Variants in PRKDC observed in about 807,000 individuals in gnomAD.
PRKDC encodes the protein protein kinase, DNA-activated, catalytic subunit.
Under a neutral mutation model 486.9 loss-of-function variants are expected in PRKDC, and 82 were observed. The observed-to-expected ratio is 0.17, with a 90% CI of 0.14 to 0.20. The LOEUF is 0.20. PRKDC is among the 10% of genes least tolerant of loss of function. The probability of loss-of-function intolerance (pLI) is 1.00; values close to 1 mark genes in which losing one functional copy is unlikely to be tolerated. For missense variants in PRKDC, 4,504 were observed against 5,038.2 expected (o/e 0.89, Z 3.21); for synonymous variants, 1,895 against 1,837.0 (o/e 1.03, Z -0.81).
Position 47,777,871 on chromosome 8 carries a change from G to A in PRKDC, c.11857C>T (p.Leu3953=). The change falls in exon 84 of 86, where the codon CTG becomes TTG. Residue 3953 remains leucine (L), a synonymous_variant. Transcript: ENST00000314191. ...AAAGGCATCAACTCAGGGACTGGCA[G>A]AAACTAAACAAGAAAAAAGGCAAGG... ...GHAFGSATQF[L]PVPELMPFRL... is the part of the protein sequence containing the mutation. The A allele has an allele frequency of 6.2e-7, 1 of 1,613,606 alleles. No individual in the cohort carries two copies. The highest frequency in any genetic ancestry group is 8.5e-7 in the Non-Finnish European group (1 of 1,179,676).
intron 54 of PRKDC, among the ~76,000 whole-genome samples, chr8:47,843,624 A>G (rs747780724): frequency 2.0e-4 from 30 of 152,202 alleles, no homozygotes; most frequent in Non-Finnish European, 3.7e-4. Flanking sequence ...TGTGAAAGAA[A>G]AAATTTTAAA....
chr8:47,845,780 T>C (rs2088249969), intron 54 of PRKDC, among the ~76,000 whole-genome samples: 1 of 151,690 alleles, frequency 6.6e-6, no homozygotes. Context: ...CGAATCCTAC[T>C]GAAACTATTT....
At chr8:47,817,594 C>A in intron 67 of PRKDC, 33 bp from the exon 68 acceptor site, 1 of 1,302,530 alleles carries the variant, frequency 7.7e-7, no homozygotes, top group Non-Finnish European at 1.1e-6. Context: ...ACTATACACA[C>A]AGCTCAATTA....
chr8:47,779,019 T>C lies in PRKDC; in HGVS notation c.11564A>G (p.Tyr3855Cys). The change falls in exon 81 of 86, where the codon TAC (tyrosine) becomes TGC (cysteine). Residue 3855 changes from tyrosine (Y) to cysteine (C), a missense_variant. Tyr to Cys is a radical substitution (Grantham distance 194). Coordinates refer to ENST00000314191, the MANE Select transcript of PRKDC (RefSeq NM_006904.7). Reference sequence around the variant, plus strand: ...CCAAACTTACTTATACATTAGCATGTAAGCTCCAACATCATGTTTTCCTGA... The same window carrying C: ...CCAAACTTACTTATACATTAGCATGCAAGCTCCAACATCATGTTTTCCTGA... Reference protein sequence around the residue: ...KMSGKHDVGAYMLMYKGANRT... With the variant: ...KMSGKHDVGACMLMYKGANRT... 1 of 1,596,536 alleles carries C rather than the reference T, an allele frequency of 6.3e-7. No homozygotes were observed. Among genetic ancestry groups the C allele is most frequent in the East Asian group, 2.2e-5 (1 of 44,720 alleles).
In PRKDC at chr8:47,798,398, C is replaced by A; in HGVS notation, c.10298-1G>T. On this transcript the variant is annotated splice_acceptor_variant, in intron 72 of 85. Coordinates refer to ENST00000314191, the MANE Select transcript of PRKDC (RefSeq NM_006904.7). LOFTEE classifies it high-confidence loss of function. ...GCCTGCAGTTCTGCAGAATCAATAA[C>A]TATCAAGGACACCAAAGAAGAAAGC... 1 of 1,579,948 alleles carries A rather than the reference C, an allele frequency of 6.3e-7. No homozygotes were observed. The highest frequency in any genetic ancestry group is 8.6e-7 in the Non-Finnish European group (1 of 1,165,334).
At chr8:47,883,176 A>G (rs2089258267) in intron 36 of PRKDC, among the ~76,000 whole-genome samples, 1 of 152,224 alleles carries the variant, frequency 6.6e-6, no homozygotes, top group African/African-American at 2.4e-5. Context: ...ATAATGGATA[A>G]TCCAGCTGGA....
At position 47,830,686 on chromosome 8, in the gene PRKDC, G is replaced by A; in HGVS notation, c.8316C>T (p.Tyr2772=). 1.2e-6 allele frequency: 2 copies of A among 1,613,976 alleles called. No individual in the cohort carries two copies. The highest frequency in any genetic ancestry group is 1.7e-6 in the Non-Finnish European group (2 of 1,179,886). Residue 2772 remains tyrosine (Y), a synonymous_variant, in exon 61 of 86, where the codon TAC becomes TAT. Coordinates refer to ENST00000314191, the MANE Select transcript of PRKDC (RefSeq NM_006904.7). ...KMKQDAQVVL[Y]RSYRHGDLPD... The stretch of plus-strand genomic sequence containing the variant: ...GAAGGTCTCCGTGCCGGTAGCTTCT[G>A]TACAGAACGACCTGGGCATCCTGCT...
At position 47,930,010 on chromosome 8, in the gene PRKDC, T is replaced by G. The variant is rs374050400; in HGVS notation, c.1895A>C (p.Glu632Ala). 1 of 1,597,036 alleles carries G rather than the reference T, an allele frequency of 6.3e-7. No individual in the cohort carries two copies. The highest frequency in any genetic ancestry group is 1.4e-5 in the African/African-American group (1 of 73,860). Residue 632 changes from glutamate (E) to alanine (A), a missense_variant and splice_region_variant, in exon 18 of 86, where the codon GAG becomes GCG. Transcript: ENST00000314191. ...AFINLVEFCR[E>A]ILPEKQAEFF... is the part of the protein sequence containing the mutation. Reference sequence around the variant, plus strand: ...TTCTGCTTGTTTCTCAGGGAGAATCTCTCTGTAAAAACAAATTAGAAATTG... The same window carrying G: ...TTCTGCTTGTTTCTCAGGGAGAATCGCTCTGTAAAAACAAATTAGAAATTG...
At chr8:47,794,170 ATTC>A in intron 74 of PRKDC, 117 bp downstream of exon 74, 2 of 817,178 alleles carry the variant, frequency 2.4e-6, no homozygotes, top group East Asian at 2.7e-5. Context: ...GGCTAAGATT[ATTC>A]TTCAATGACA....
chr8:47,881,827 T>G, intron 37 of PRKDC, 85 bp downstream of exon 37: 1 of 1,212,004 alleles, frequency 8.3e-7, no homozygotes, highest in East Asian at 2.6e-5. Context: ...AATGAGCTTT[T>G]GGAGCAACCT....
At chr8:47,831,953 C>T in intron 59 of PRKDC, 27 bp from the exon 60 acceptor site, 2 of 1,588,972 alleles carry the variant, frequency 1.3e-6, no homozygotes, top group South Asian at 1.1e-5. Flanking sequence ...GGCCCAGTTA[C>T]TCCCCGCCGC....
chr8:47,911,803 T>C (rs1190189462), intron 25 of PRKDC, among the ~76,000 whole-genome samples: 1 of 151,964 alleles, frequency 6.6e-6, no homozygotes, highest in Admixed American at 6.6e-5. Context: ...TGAGTCTCAC[T>C]CTGTCTCCCA....
rs562300250 is a variant in PRKDC at position 47,890,445 on chromosome 8, C to G, written c.3883G>C (p.Ala1295Pro). ...ATGGCAATGCTTTCTAAGAAGAAAG[C>G]CACTGCTTTCAAAAGTGAAGACTGG... Reference protein sequence around the residue: ...EAQSSLLKAVAFFLESIAMHD... With the variant: ...EAQSSLLKAVPFFLESIAMHD... Residue 1295 changes from alanine to proline, a missense_variant, in exon 32 of 86, where the codon GCT (alanine) becomes CCT (proline). By Grantham distance (27) the Ala-to-Pro change is conservative. Transcript: ENST00000314191. 1 of 1,575,074 alleles carries G rather than the reference C, an allele frequency of 6.3e-7. No individual in the cohort carries two copies. Among genetic ancestry groups the G allele is most frequent in the African/African-American group, 1.3e-5 (1 of 74,316 alleles).
Position 47,849,309 on chromosome 8 carries a change from G to A in PRKDC, c.7131-6C>T, listed in dbSNP as rs374268957. ...AGAACACAGCATTCATGAACCTGGC[G>A]GGGAAGGGAACTGGTGAGAGGAGGG... On this transcript the variant is annotated splice_region_variant and splice_polypyrimidine_tract_variant and intron_variant, in intron 53 of 85. Transcript: ENST00000314191. 8.1e-6 allele frequency: 13 copies of A among 1,613,804 alleles called. No individual in the cohort carries two copies. The highest frequency in any genetic ancestry group is 3.3e-5 in the Admixed American group (2 of 60,012).
At chr8:47,798,998 T>C (rs1000707108) in intron 72 of PRKDC, among the ~76,000 whole-genome samples, 1 of 151,982 alleles carries the variant, frequency 6.6e-6, no homozygotes, top group Non-Finnish European at 1.5e-5. Context: ...CTTAGTAGAG[T>C]TGGGGTTTCA....
intron 54 of PRKDC, 48 bp downstream of exon 54, chr8:47,849,106 C>T (rs746506679): frequency 8.8e-6 from 14 of 1,588,338 alleles, no homozygotes; most frequent in East Asian, 2.2e-5. Flanking sequence ...AATAAATTAA[C>T]GCTTTATGAG....
chr8:47,775,456 C>G (rs1405727642), intron 85 of PRKDC, among the ~76,000 whole-genome samples: 1 of 143,418 alleles, frequency 7.0e-6, no homozygotes, highest in Non-Finnish European at 1.5e-5. Context: ...ACTGCAACCT[C>G]TGCCTCCTGG....
intron 7 of PRKDC, among the ~76,000 whole-genome samples, chr8:47,952,089 T>G (rs577322393): frequency 1.3e-5 from 2 of 152,168 alleles, no homozygotes; most frequent in Non-Finnish European, 2.9e-5. Context: ...AAGGTTACCA[T>G]ACAACCCAAC....
In PRKDC at chr8:47,955,896, G is replaced by T; in HGVS notation, c.377C>A (p.Pro126Gln). 1 of 1,604,812 alleles carries T rather than the reference G, an allele frequency of 6.2e-7. No homozygotes were observed. Among genetic ancestry groups the T allele is most frequent in the Non-Finnish European group, 8.5e-7 (1 of 1,173,404 alleles). The change falls in exon 4 of 86, where the codon CCA becomes CAA. Residue 126 changes from proline to glutamine, a missense_variant. This residue lies in a region of PRKDC where 12 missense variants were observed against 31.1 expected (regional missense o/e 0.39). Coordinates refer to ENST00000314191, the MANE Select transcript of PRKDC (RefSeq NM_006904.7). ...TKDRAAKCKI[P>Q]ALDLLIKLLQ... Reference sequence around the variant, plus strand: ...TACCTTAATAAGAAGGTCCAGGGCTGGAATTTTACATTTAGCAGCTCTATC... The same window carrying T: ...TACCTTAATAAGAAGGTCCAGGGCTTGAATTTTACATTTAGCAGCTCTATC...
Sources: gnomAD v4.1 joint callset for allele counts (sites outside exome capture counted in the v4.1 genomes callset) on GRCh38, gnomAD v4.1.1 for gene constraint, gnomAD v4.1.1 regional missense constraint, MANE v1.5 for transcripts, NCBI Gene and HGNC (gene_info 2026-07-23, HGNC 2026-07-21) for gene names.